The following CNTNAP2 variants were observed in gnomAD, a reference collection of about 807,000 sequenced individuals.
CNTNAP2 encodes contactin associated protein 2.
CNTNAP2 carries 98 observed loss-of-function variants against 155.2 expected under a neutral mutation model. That is an observed-to-expected ratio of 0.63 (90% CI 0.54 to 0.75). The LOEUF is 0.75. Among genes scored for constraint, CNTNAP2 ranks in the 30% least tolerant of loss-of-function variants. The pLI, the probability that CNTNAP2 is intolerant of heterozygous loss-of-function variation, is 0.00. For missense variants in CNTNAP2, 1,727 were observed against 1,688.1 expected (o/e 1.02, Z -0.40); for synonymous variants, 651 against 631.2 (o/e 1.03, Z -0.47).
chr7:147,760,981 G>A (rs1797290332), intron 13 of CNTNAP2, among the ~76,000 whole-genome samples: 1 of 152,146 alleles, frequency 6.6e-6, no homozygotes, highest in South Asian at 2.1e-4. Context: ...ATTCAACAAA[G>A]ATAACTAGCA....
At chr7:147,966,123 G>A (rs540927100) in intron 14 of CNTNAP2, among the ~76,000 whole-genome samples, 1 of 152,078 alleles carries the variant, frequency 6.6e-6, no homozygotes, top group South Asian at 2.1e-4. Context: ...GGCAGTAATC[G>A]ATACAGGAAT....
intron 5 of CNTNAP2, among the ~76,000 whole-genome samples, chr7:147,116,996 C>T (rs1801004819): frequency 6.6e-6 from 1 of 152,178 alleles, no homozygotes. Context: ...CATCTGGTCT[C>T]AAGAAGGCTT....
chr7:148,232,747 C>T (rs1490927544), intron 20 of CNTNAP2, among the ~76,000 whole-genome samples: 2 of 152,218 alleles, frequency 1.3e-5, no homozygotes, highest in African/African-American at 4.8e-5. Context: ...TGCATTTATA[C>T]ATGCTCAAAC....
chr7:147,247,571 T>C (rs921541095), intron 8 of CNTNAP2, among the ~76,000 whole-genome samples: 10 of 152,356 alleles, frequency 6.6e-5, no homozygotes, highest in African/African-American at 2.4e-4. Flanking sequence ...ACTAAGAACT[T>C]AGTATAGGTT....
chr7:148,181,043 C>G (rs143181664), intron 18 of CNTNAP2, among the ~76,000 whole-genome samples: 204 of 152,274 alleles, frequency 1.3e-3, no homozygotes, highest in African/African-American at 4.7e-3. Flanking sequence ...ACTCCAGGCT[C>G]CCTAGCCTTT....
At chr7:146,857,559 A>C (rs1439735226) in intron 3 of CNTNAP2, among the ~76,000 whole-genome samples, 1 of 152,210 alleles carries the variant, frequency 6.6e-6, no homozygotes, top group East Asian at 1.9e-4. Context: ...CTAGCTAATA[A>C]GTGGTGTTCT....
chr7:146,843,300 C>CCG (rs1803777283), intron 3 of CNTNAP2, among the ~76,000 whole-genome samples: 1 of 150,424 alleles, frequency 6.6e-6, no homozygotes, highest in African/African-American at 2.5e-5. Context: ...GCGTGAGCCA[C>CCG]CGCGCCCGGC....
intron 4 of CNTNAP2, among the ~76,000 whole-genome samples, chr7:147,053,995 G>A (rs571150413): frequency 2.8e-4 from 43 of 152,198 alleles, no homozygotes; most frequent in Non-Finnish European, 5.9e-4. Flanking sequence ...AGAGTTATGC[G>A]ACTTGCATAA....
chr7:148,002,735 A>G (rs978118492), intron 15 of CNTNAP2, among the ~76,000 whole-genome samples: 1 of 152,134 alleles, frequency 6.6e-6, no homozygotes, highest in African/African-American at 2.4e-5. Flanking sequence ...ACCTAAGCTC[A>G]TTCACTGGTG....
At chr7:146,622,054 C>T (rs1799326838) in intron 1 of CNTNAP2, among the ~76,000 whole-genome samples, 2 of 151,964 alleles carry the variant, frequency 1.3e-5, no homozygotes, top group African/African-American at 4.8e-5. Flanking sequence ...TTTGACACAC[C>T]TGCATCACTA....
chr7:146,733,923 A>G (rs772517960), intron 1 of CNTNAP2, among the ~76,000 whole-genome samples: 1 of 152,106 alleles, frequency 6.6e-6, no homozygotes, highest in African/African-American at 2.4e-5. Flanking sequence ...AATATTCTCT[A>G]TAAAACATAA....
At chr7:146,941,322 G>A (rs538758265) in intron 3 of CNTNAP2, among the ~76,000 whole-genome samples, 2 of 152,070 alleles carry the variant, frequency 1.3e-5, no homozygotes, top group South Asian at 2.1e-4. Context: ...AGTTATAACA[G>A]GATATTTTAA....
At chr7:147,852,699 G>A (rs1407998678) in intron 13 of CNTNAP2, among the ~76,000 whole-genome samples, 1 of 152,164 alleles carries the variant, frequency 6.6e-6, no homozygotes, top group African/African-American at 2.4e-5. Flanking sequence ...TCTCACGGCT[G>A]ACACCTATTG....
chr7:147,452,509 C>G (rs547444828), intron 10 of CNTNAP2, among the ~76,000 whole-genome samples: 1 of 152,044 alleles, frequency 6.6e-6, no homozygotes, highest in Non-Finnish European at 1.5e-5. Flanking sequence ...AATTTCAAAA[C>G]AAGCAGATCA....
intron 1 of CNTNAP2, among the ~76,000 whole-genome samples, chr7:146,138,298 A>G (rs1305702734): frequency 1.3e-5 from 2 of 152,144 alleles, no homozygotes; most frequent in Admixed American, 1.3e-4. Context: ...GAACACAGAA[A>G]GGTTGACAGC....
intron 18 of CNTNAP2, among the ~76,000 whole-genome samples, chr7:148,187,764 G>A (rs577303954): frequency 2.0e-5 from 3 of 151,948 alleles, no homozygotes; most frequent in Non-Finnish European, 4.4e-5. Context: ...TTTTCCTCTA[G>A]CCAAAGGATA....
intron 13 of CNTNAP2, among the ~76,000 whole-genome samples, chr7:147,706,304 T>C (rs911413879): frequency 3.3e-5 from 5 of 152,070 alleles, no homozygotes; most frequent in African/African-American, 9.7e-5. Context: ...CTTTAGCATT[T>C]CTTATAGGAC....
At chr7:148,331,143 G>A (rs1351890618) in intron 21 of CNTNAP2, among the ~76,000 whole-genome samples, 1 of 147,908 alleles carries the variant, frequency 6.8e-6, no homozygotes, top group Non-Finnish European at 1.5e-5. Context: ...ATGGATGGAT[G>A]GAGTGGACAG....
chr7:148,075,156 G>A (rs558609966), intron 15 of CNTNAP2, among the ~76,000 whole-genome samples: 1 of 152,198 alleles, frequency 6.6e-6, no homozygotes, highest in South Asian at 2.1e-4. Context: ...AAAAAATTAG[G>A]TCAGGTGTGG....
Sources: allele counts gnomAD v4.1 joint callset (sites outside exome capture counted in the v4.1 genomes callset), GRCh38; gene constraint gnomAD v4.1.1; transcripts MANE v1.5; gene names NCBI Gene and HGNC (gene_info 2026-07-23, HGNC 2026-07-21).